Variants in BATF observed in about 807,000 individuals in gnomAD.
The protein encoded by BATF is basic leucine zipper transcriptional factor ATF-like.
A neutral mutation model predicts 13.7 loss-of-function variants in BATF; 5 were observed. That is an observed-to-expected ratio of 0.36 (90% CI 0.19 to 0.77). The LOEUF (loss-of-function observed/expected upper bound fraction) is 0.77, where lower values mean the gene tolerates loss of function less well. Among genes scored for constraint, BATF ranks in the 30% least tolerant of loss-of-function variants. The probability of loss-of-function intolerance (pLI) is 0.51; values close to 1 mark genes in which losing one functional copy is unlikely to be tolerated. For missense variants in BATF, 124 were observed against 163.0 expected (o/e 0.76, Z 1.30); for synonymous variants, 72 against 67.5 (o/e 1.07, Z -0.33).
At chr14:75,541,134 A>AT (rs941599542) in intron 2 of BATF, among the ~76,000 whole-genome samples, 7 of 152,256 alleles carry the variant, frequency 4.6e-5, no homozygotes, top group African/African-American at 1.2e-4. Context: ...AACCTAGGCT[A>AT]TTTTTTTAAA....
chr14:75,528,600 G>A (rs1327029663), intron 2 of BATF, among the ~76,000 whole-genome samples: 1 of 152,098 alleles, frequency 6.6e-6, no homozygotes, highest in Non-Finnish European at 1.5e-5. Flanking sequence ...TCCTTTTGTT[G>A]AGCATCTCAC....
At chr14:75,535,362 G>T (rs980572298) in intron 2 of BATF, among the ~76,000 whole-genome samples, 7 of 152,178 alleles carry the variant, frequency 4.6e-5, no homozygotes, top group African/African-American at 1.7e-4. Flanking sequence ...AGTGAGCCCT[G>T]ATTACATCAC....
At chr14:75,538,169 G>A (rs1463879095) in intron 2 of BATF, among the ~76,000 whole-genome samples, 1 of 152,138 alleles carries the variant, frequency 6.6e-6, no homozygotes, top group Non-Finnish European at 1.5e-5. Context: ...ATGTTGCCCA[G>A]GCTGGTCTCA....
At chr14:75,542,036 G>A (rs1020277482) in intron 2 of BATF, among the ~76,000 whole-genome samples, 2 of 151,986 alleles carry the variant, frequency 1.3e-5, no homozygotes, top group Non-Finnish European at 2.9e-5. Flanking sequence ...GTCAGTGTGA[G>A]AGAAGGAACA....
At chr14:75,537,844 T>C (rs1351426341) in intron 2 of BATF, among the ~76,000 whole-genome samples, 1 of 152,070 alleles carries the variant, frequency 6.6e-6, no homozygotes, top group Non-Finnish European at 1.5e-5. Context: ...AAATATAAAC[T>C]CTTTAAGGAT....
chr14:75,524,414 C>G (rs1887622011), intron 1 of BATF, among the ~76,000 whole-genome samples: 1 of 152,194 alleles, frequency 6.6e-6, no homozygotes, highest in South Asian at 2.1e-4. Flanking sequence ...GGGATGCACC[C>G]TCAGCTCAGG....
intron 2 of BATF, among the ~76,000 whole-genome samples, chr14:75,529,003 T>C (rs942709642): frequency 2.0e-5 from 3 of 152,192 alleles, no homozygotes; most frequent in African/African-American, 4.8e-5. Context: ...ATATACCTTA[T>C]GTAAAGTTAG....
Position 75,546,881 on chromosome 14 carries a change from G to A in BATF, c.*210G>A, listed in dbSNP as rs951156905. ...GGGGCGTGTGCTGGACCCCACCACTGTGGGTTGCAGGCCCAATGCAGAAGA... is the reference window on the plus strand; with the variant it reads ...GGGGCGTGTGCTGGACCCCACCACTATGGGTTGCAGGCCCAATGCAGAAGA... On this transcript the variant is annotated 3_prime_UTR_variant, in exon 3 of 3. Transcript: ENST00000286639. 2 of 741,350 alleles carry A rather than the reference G, an allele frequency of 2.7e-6. No homozygotes were observed. The highest frequency in any genetic ancestry group is 4.8e-6 in the Non-Finnish European group (2 of 420,528). The allele number at this position is 741,350 out of a possible 1,614,324, so 45.9% of individuals were successfully genotyped here. A position where few individuals can be genotyped will look rare whatever the true frequency, so the allele number is the denominator to read the frequency against.
At chr14:75,525,035 C>T (rs1566765482) in intron 1 of BATF, 49 bp from the exon 2 acceptor site, 6 of 1,501,032 alleles carry the variant, frequency 4.0e-6, no homozygotes, top group Non-Finnish European at 5.5e-6. Context: ...TGCTTTCACT[C>T]AGAAGGGAGA....
intron 2 of BATF, among the ~76,000 whole-genome samples, chr14:75,539,018 T>A (rs1887858182): frequency 6.6e-6 from 1 of 152,224 alleles, no homozygotes; most frequent in African/African-American, 2.4e-5. Context: ...CCTTTGTAAC[T>A]CGAAGCATCA....
At position 75,522,664 on chromosome 14, in the gene BATF, A is replaced by T; in HGVS notation, c.-19A>T. The T allele has an allele frequency of 6.2e-7, 1 of 1,614,054 alleles. No individual in the cohort carries two copies. Among genetic ancestry groups the T allele is most frequent in the Non-Finnish European group, 8.5e-7 (1 of 1,179,982 alleles). ...AGAGGTGCCTGGGGCTGAGTGTGAGAGCCCGGAAGATTTCAGCCATGCCTC... is the reference window on the plus strand; with the variant it reads ...AGAGGTGCCTGGGGCTGAGTGTGAGTGCCCGGAAGATTTCAGCCATGCCTC... On this transcript the variant is annotated 5_prime_UTR_variant, in exon 1 of 3. Coordinates refer to ENST00000286639, the MANE Select transcript of BATF (RefSeq NM_006399.5).
intron 2 of BATF, among the ~76,000 whole-genome samples, chr14:75,533,359 C>T (rs1037178751): frequency 4.7e-5 from 7 of 147,468 alleles, no homozygotes; most frequent in African/African-American, 7.6e-5. Flanking sequence ...ACCTGGGAGG[C>T]GGAGCTTGCA....
chr14:75,539,859 G>T (rs1185883109), intron 2 of BATF, among the ~76,000 whole-genome samples: 1 of 152,144 alleles, frequency 6.6e-6, no homozygotes, highest in African/African-American at 2.4e-5. Flanking sequence ...CGCTGCTTGG[G>T]AAGAGTCGTA....
At position 75,546,655 on chromosome 14, in the gene BATF, C is replaced by G; in HGVS notation, c.362C>G (p.Pro121Arg). The change falls in exon 3 of 3, where the codon CCG becomes CGG. Residue 121 changes from proline (P) to arginine (R), a missense_variant. Coordinates refer to ENST00000286639, the MANE Select transcript of BATF (RefSeq NM_006399.5). ...TTCCACCAACCTCATGTCAGCTCCC[C>G]GCGCTTCCAGCCCTGAGCTTCCGAT... ...HAFHQPHVSSPRFQP is the reference protein window; with the variant it reads ...HAFHQPHVSSRRFQP The G allele has an allele frequency of 2.5e-6, 4 of 1,603,378 alleles. No individual in the cohort carries two copies. Among genetic ancestry groups the G allele is most frequent in the South Asian group, 1.1e-5 (1 of 89,824 alleles).
At chr14:75,535,341 G>T (rs565460478) in intron 2 of BATF, among the ~76,000 whole-genome samples, 1 of 152,224 alleles carries the variant, frequency 6.6e-6, no homozygotes, top group Non-Finnish European at 1.5e-5. Context: ...AGCCCAGGAG[G>T]TTGAGGCTGC....
chr14:75,534,593 A>G (rs759218665), intron 2 of BATF, among the ~76,000 whole-genome samples: 2 of 152,252 alleles, frequency 1.3e-5, no homozygotes, highest in Non-Finnish European at 2.9e-5. Flanking sequence ...AGAAAGACAC[A>G]TGGAAAGTTG....
chr14:75,545,388 A>ATTTTTTTTTTTTTT (rs35791450), intron 2 of BATF, among the ~76,000 whole-genome samples: 108 of 105,192 alleles, frequency 1.0e-3, no homozygotes, highest in African/African-American at 4.0e-3. Flanking sequence ...CGCCTGGTTA[A>ATTTTTTTTTTTTTT]TTTTTTTTTT....
intron 1 of BATF, among the ~76,000 whole-genome samples, chr14:75,523,452 T>C (rs1887606555): frequency 1.3e-5 from 2 of 152,148 alleles, no homozygotes; most frequent in Admixed American, 1.3e-4. Context: ...TCATCTTAGC[T>C]CTGGGGAAAC....
chr14:75,534,449 G>A (rs1024045546), intron 2 of BATF, among the ~76,000 whole-genome samples: 3 of 152,172 alleles, frequency 2.0e-5, no homozygotes, highest in Non-Finnish European at 2.9e-5. Context: ...CTTGTAAAAT[G>A]TAAAATTTAC....
Sources: allele counts gnomAD v4.1 joint callset (sites outside exome capture counted in the v4.1 genomes callset), GRCh38; gene constraint gnomAD v4.1.1; transcripts MANE v1.5; gene names NCBI Gene and HGNC (gene_info 2026-07-23, HGNC 2026-07-21).